NRXN1: variants seen among roughly 807,000 people sequenced by gnomAD.
NRXN1 encodes the protein neurexin 1, also known as neurexin-1.
In NRXN1, 39 loss-of-function variants were observed where a neutral mutation model predicts 150.9. That is an observed-to-expected ratio of 0.26 (90% confidence interval 0.20 to 0.34). NRXN1 has a LOEUF of 0.34. Ranked by LOEUF, NRXN1 falls within the 10% of genes least tolerant of loss-of-function variation. The pLI is 1.00. For synonymous variants in NRXN1, 924 were observed against 757.0 expected, an observed-to-expected ratio of 1.22 and a Z score of -3.62; for missense variants, 1,815 against 1,949.9, an observed-to-expected ratio of 0.93 and a Z score of 1.30.
chr2:50,828,145 C>T (rs1314286693), intron 5 of NRXN1, among the ~76,000 whole-genome samples: 2 of 151,824 alleles, frequency 1.3e-5, no homozygotes, highest in African/African-American at 4.8e-5. Context: ...GGGGTGGTGG[C>T]CGGGCAGAGG....
chr2:50,559,371 T>G (rs946202657), intron 8 of NRXN1, among the ~76,000 whole-genome samples: 1 of 152,208 alleles, frequency 6.6e-6, no homozygotes, highest in African/African-American at 2.4e-5. Context: ...TTATTTATTA[T>G]TTTGAAATTA....
chr2:49,921,887 A>G lies in NRXN1; in HGVS notation c.*57T>C, dbSNP rs1668266909. On this transcript the variant is annotated 3_prime_UTR_variant, in exon 23 of 23. Coordinates refer to ENST00000401669, the MANE Select transcript of NRXN1 (RefSeq NM_001330078.2). ...AAAGGAAAGTAAATAAGTTTATATTATGTCTCAGATAAAATGAAGACTATT... is the reference window on the plus strand; with the variant it reads ...AAAGGAAAGTAAATAAGTTTATATTGTGTCTCAGATAAAATGAAGACTATT... 1 of 1,537,058 alleles carries G rather than the reference A, an allele frequency of 6.5e-7. No homozygotes were observed. Among genetic ancestry groups the G allele is most frequent in the Non-Finnish European group, 9.0e-7 (1 of 1,113,846 alleles).
At chr2:50,278,395 G>GC (rs899611049) in intron 17 of NRXN1, among the ~76,000 whole-genome samples, 1 of 145,784 alleles carries the variant, frequency 6.9e-6, no homozygotes, top group Admixed American at 7.0e-5. Flanking sequence ...CAAGTGCTCC[G>GC]CCCCCCTTGG....
At chr2:50,328,292 A>G (rs553434730) in intron 17 of NRXN1, among the ~76,000 whole-genome samples, 2 of 152,160 alleles carry the variant, frequency 1.3e-5, no homozygotes, top group African/African-American at 2.4e-5. Context: ...TCTTCTTCCA[A>G]TGTGGCCCAG....
chr2:50,531,488 A>C lies in NRXN1; in HGVS notation c.2144-58T>G, dbSNP rs890612902. The C allele has an allele frequency of 7.8e-6, 10 of 1,276,860 alleles. No homozygotes were observed. In the Admixed American group the frequency reaches 9.9e-5, roughly 13 times the overall value. The allele number at this position is 1,276,860 out of a possible 1,614,324, so 79.1% of individuals were successfully genotyped here. The stretch of plus-strand genomic sequence containing the variant: ...GGATGGTATAGCGCATTAATACTTT[A>C]AAGAGGAAAAGGATCATTTATTATC... On this transcript the variant is annotated intron_variant, in intron 10 of 22. Coordinates refer to ENST00000401669, the MANE Select transcript of NRXN1 (RefSeq NM_001330078.2).
Position 50,630,765 on chromosome 2 carries a change from A to G in NRXN1, c.833-7150T>C, listed in dbSNP as rs540385192. ...CCAGAAACTAAAATCAATATATGAA[A>G]AAACAAATGAATGAAAAAAGATATT... On this transcript the variant is annotated intron_variant, in intron 5 of 22. Coordinates refer to ENST00000401669, the MANE Select transcript of NRXN1 (RefSeq NM_001330078.2). Among the ~76,000 whole-genome samples, 4 of 151,922 alleles carry G rather than the reference A, an allele frequency of 2.6e-5. No homozygotes were observed. In the South Asian group the frequency reaches 8.3e-4, roughly 32 times the overall value.
intron 2 of NRXN1, among the ~76,000 whole-genome samples, chr2:50,956,055 C>T (rs536606891): frequency 1.3e-5 from 2 of 152,086 alleles, no homozygotes; most frequent in Non-Finnish European, 2.9e-5. Flanking sequence ...TTTAAATGTC[C>T]AGTTAGTTCT....
intron 17 of NRXN1, among the ~76,000 whole-genome samples, chr2:50,396,222 T>C (rs990500743): frequency 6.6e-6 from 1 of 152,148 alleles, no homozygotes; most frequent in Non-Finnish European, 1.5e-5. Flanking sequence ...AAAGTGTAAG[T>C]GGTTTTCAAG....
intron 8 of NRXN1, among the ~76,000 whole-genome samples, chr2:50,615,059 T>G (rs1678847869): frequency 6.6e-6 from 1 of 152,184 alleles, no homozygotes; most frequent in African/African-American, 2.4e-5. Flanking sequence ...AAAGATAGGA[T>G]ATTTTCCAAA....
intron 8 of NRXN1, among the ~76,000 whole-genome samples, chr2:50,618,676 A>G (rs961103563): frequency 6.6e-6 from 1 of 151,796 alleles, no homozygotes; most frequent in African/African-American, 2.4e-5. Context: ...TGAAACATGC[A>G]GATAATAAAA....
chr2:50,252,233 C>CTT (rs55993018), intron 17 of NRXN1, among the ~76,000 whole-genome samples: 77 of 94,882 alleles, frequency 8.1e-4, no homozygotes, highest in Admixed American at 8.9e-4. Context: ...ACATTTTGTC[C>CTT]TTTTTTTTTT....
chr2:50,978,219 TTATTCTTATACA>T, intron 2 of NRXN1, among the ~76,000 whole-genome samples: 1 of 142,132 alleles, frequency 7.0e-6, no homozygotes, highest in African/African-American at 2.5e-5. Flanking sequence ...CCATTAAAAC[TTATTCTTATACA>T]TATTCTTCCA....
chr2:50,786,370 G>T (rs967005678), intron 5 of NRXN1, among the ~76,000 whole-genome samples: 1 of 152,120 alleles, frequency 6.6e-6, no homozygotes, highest in South Asian at 2.1e-4. Flanking sequence ...TCTATAAAAG[G>T]CTTCATCCAC....
At chr2:50,282,406 G>A (rs189283442) in intron 17 of NRXN1, among the ~76,000 whole-genome samples, 3 of 152,248 alleles carry the variant, frequency 2.0e-5, no homozygotes, top group African/African-American at 7.2e-5. Context: ...GAATTGTGCA[G>A]GTCCACTTAA....
chr2:50,309,478 C>A (rs769077326), intron 17 of NRXN1, among the ~76,000 whole-genome samples: 1 of 152,122 alleles, frequency 6.6e-6, no homozygotes, highest in Non-Finnish European at 1.5e-5. Context: ...CAGAATGTAA[C>A]CCTAATGCCG....
At chr2:50,509,567 T>C (rs1333337445) in intron 12 of NRXN1, among the ~76,000 whole-genome samples, 1 of 152,208 alleles carries the variant, frequency 6.6e-6, no homozygotes, top group Non-Finnish European at 1.5e-5. Context: ...AGCTGATCTT[T>C]ACAGTTCCTT....
intron 17 of NRXN1, among the ~76,000 whole-genome samples, chr2:50,413,028 A>C (rs1388047663): frequency 6.6e-6 from 1 of 152,174 alleles, no homozygotes; most frequent in African/African-American, 2.4e-5. Flanking sequence ...TTTGGGCAAA[A>C]CTTTCATGAG....
chr2:50,696,854 C>T (rs944035683), intron 5 of NRXN1, among the ~76,000 whole-genome samples: 10 of 152,108 alleles, frequency 6.6e-5, no homozygotes, highest in Non-Finnish European at 1.3e-4. Context: ...ATTCCTAGAC[C>T]ATGTAATCAC....
At chr2:50,487,220 C>G (rs1407487213) in intron 15 of NRXN1, among the ~76,000 whole-genome samples, 1 of 152,126 alleles carries the variant, frequency 6.6e-6, no homozygotes, top group East Asian at 1.9e-4. Context: ...GTGATATACC[C>G]TGCCTAAGGA....
Sources: allele counts gnomAD v4.1 joint callset (sites outside exome capture counted in the v4.1 genomes callset), GRCh38; gene constraint gnomAD v4.1.1; transcripts MANE v1.5; gene names NCBI Gene and HGNC (gene_info 2026-07-23, HGNC 2026-07-21).